ADAMTS9: variants seen among roughly 807,000 people sequenced by gnomAD.
ADAMTS9 encodes ADAM metallopeptidase with thrombospondin type 1 motif 9.
In ADAMTS9, 107 loss-of-function variants were observed where a neutral mutation model predicts 257.1. The ratio of observed to expected loss-of-function variants is 0.42; its 90% CI spans 0.36 to 0.49. ADAMTS9 has a LOEUF of 0.49. ADAMTS9 is among the 20% of genes least tolerant of loss of function. The pLI, the probability that ADAMTS9 is intolerant of heterozygous loss-of-function variation, is 0.03. For missense variants in ADAMTS9, 2,353 were observed against 2,469.1 expected (o/e 0.95, Z 1.00); for synonymous variants, 982 against 880.9 (o/e 1.11, Z -2.03).
rs374207795 is a variant in ADAMTS9, at chr3:64,601,933, G to T, written c.4017+11C>A. On this transcript the variant is annotated intron_variant, in intron 26 of 39. Transcript: ENST00000498707. ...TGAAAGAGAAGCAAGCAAACTTCAG[G>T]GAATACTCACTGCTCCCCAGGGGCC... 39 of 1,583,568 alleles carry T rather than the reference G, an allele frequency of 2.5e-5. 1 individual carries two copies. The African/African-American group carries it at 4.0e-4, about 16-fold the overall frequency.
rs775745026 is a variant in ADAMTS9, at chr3:64,622,456, G to A, written c.2520C>T (p.Asn840=). 6.8e-5 allele frequency: 109 copies of A among 1,613,936 alleles called. No individual in the cohort carries two copies. The highest frequency in any genetic ancestry group is 8.8e-5 in the Non-Finnish European group (104 of 1,179,986). ...SGSETAVERI[N]STDRIEQELL... is the part of the protein sequence containing the mutation. Reference sequence around the variant, plus strand: ...GTTCTTGCTCAATGCGATCTGTTGAGTTAATTCTTTCTACGGCAGTCTCGG... The same window carrying A: ...GTTCTTGCTCAATGCGATCTGTTGAATTAATTCTTTCTACGGCAGTCTCGG... Residue 840 remains asparagine (N), a synonymous_variant, in exon 17 of 40, where the codon AAC becomes AAT. Coordinates refer to ENST00000498707, the MANE Select transcript of ADAMTS9 (RefSeq NM_182920.2).
intron 39 of ADAMTS9, among the ~76,000 whole-genome samples, chr3:64,519,476 C>T (rs1422259478): frequency 6.6e-6 from 1 of 152,110 alleles, no homozygotes; most frequent in Non-Finnish European, 1.5e-5. Flanking sequence ...GATACCAATA[C>T]CTGGCAAAAA....
At chr3:64,603,696 G>A (rs1266703886) in intron 25 of ADAMTS9, among the ~76,000 whole-genome samples, 4 of 152,260 alleles carry the variant, frequency 2.6e-5, no homozygotes, top group South Asian at 4.1e-4. Context: ...ACTGTAAACC[G>A]ATTTATCCAT....
chr3:64,524,204 C>T (rs2082883232), intron 38 of ADAMTS9, among the ~76,000 whole-genome samples: 1 of 152,122 alleles, frequency 6.6e-6, no homozygotes, highest in Non-Finnish European at 1.5e-5. Context: ...GATATAAATG[C>T]AAAGGAAATC....
Position 64,686,989 on chromosome 3 carries a change from A to G in ADAMTS9, c.116-21T>C. 1 of 1,589,258 alleles carries G rather than the reference A, an allele frequency of 6.3e-7. No individual in the cohort carries two copies. Among genetic ancestry groups the G allele is most frequent in the Non-Finnish European group, 8.6e-7 (1 of 1,168,312 alleles). ...TTTCACTGCGGAGAGAAGCAGAGGT[A>G]TATGAACCAATAATTCATTTTTCCT... On this transcript the variant is annotated intron_variant, in intron 1 of 39. Transcript: ENST00000498707. The surrounding 1 kb of genome is among the most constrained non-coding windows in gnomAD (Gnocchi z 4.6).
intron 22 of ADAMTS9, among the ~76,000 whole-genome samples, chr3:64,611,703 T>TG (rs1050170974): frequency 5.3e-4 from 81 of 152,308 alleles, no homozygotes; most frequent in African/African-American, 1.9e-3. Context: ...CCAATGCTGC[T>TG]GCTGATCTGA....
chr3:64,645,840 T>A (rs1262810640), intron 11 of ADAMTS9, among the ~76,000 whole-genome samples: 1 of 152,196 alleles, frequency 6.6e-6, no homozygotes, highest in Non-Finnish European at 1.5e-5. Context: ...AGGAGCAGGG[T>A]CTGCTGAAAG....
chr3:64,605,828 CTTAT>C (rs564160465), intron 23 of ADAMTS9, among the ~76,000 whole-genome samples: 45 of 152,174 alleles, frequency 3.0e-4, no homozygotes, highest in African/African-American at 8.2e-4. Flanking sequence ...TACATATATG[CTTAT>C]TTATTATAAA....
At chr3:64,630,701 G>A (rs1700347336) in intron 16 of ADAMTS9, among the ~76,000 whole-genome samples, 2 of 152,126 alleles carry the variant, frequency 1.3e-5, no homozygotes, top group Non-Finnish European at 2.9e-5. Flanking sequence ...GGGGTTGACA[G>A]GTACAGCAAA....
rs903771433 is a variant in ADAMTS9 at position 64,687,500 on chromosome 3, G to A, written c.115+43C>T. 2.8e-6 allele frequency: 4 copies of A among 1,454,246 alleles called. No homozygotes were observed. The allele number at this position is 1,454,246 out of a possible 1,614,324, so 90.1% of individuals were successfully genotyped here. ...TGCCCAGGAGCGAGGACCGGGAGGCGGCGTCGGGGCCGGCGGGGTCCCGGG... is the reference window on the plus strand; with the variant it reads ...TGCCCAGGAGCGAGGACCGGGAGGCAGCGTCGGGGCCGGCGGGGTCCCGGG... On this transcript the variant is annotated intron_variant, in intron 1 of 39. Coordinates refer to ENST00000498707, the MANE Select transcript of ADAMTS9 (RefSeq NM_182920.2). This position sits in a 1 kb window ranked among gnomAD's most constrained non-coding sequence, Gnocchi z 4.4.
rs141772103 is a variant in ADAMTS9, at chr3:64,668,570, T to C, written c.680-9779A>G. ...CTCATCTGTGAAAAGGGAATAATGA[T>C]AGTTCATGCCTAATAGGGCAGTAGG... On this transcript the variant is annotated intron_variant, in intron 3 of 39. Transcript: ENST00000498707. Among the ~76,000 whole-genome samples, 8 of 152,282 alleles carry C rather than the reference T, an allele frequency of 5.3e-5. No homozygotes were observed. In the East Asian group the frequency reaches 1.4e-3, roughly 26 times the overall value.
rs542359724 is a variant in ADAMTS9, at chr3:64,621,829, A to G, written c.2686+369T>C. Among the ~76,000 whole-genome samples the G allele has an allele frequency of 2.4e-3, 361 of 152,038 alleles. 1 individual carries two copies. The highest frequency in any genetic ancestry group is 3.4e-3 in the Non-Finnish European group (229 of 67,964). On this transcript the variant is annotated intron_variant, in intron 18 of 39. Transcript: ENST00000498707. ...GAAAAAGAAAAAAAAGGTAGGCGGT[A>G]GGCTGGATTTGGCCTGCTGGCTGTG... is the stretch of plus-strand genomic sequence containing the variant.
At chr3:64,594,509 C>G in intron 27 of ADAMTS9, 75 bp from the exon 28 acceptor site, 2 of 1,552,368 alleles carry the variant, frequency 1.3e-6, no homozygotes, top group Non-Finnish European at 1.8e-6. Flanking sequence ...TCCCTAATTT[C>G]TTAGCCAAAC....
At chr3:64,643,651 G>A (rs939821040) in intron 11 of ADAMTS9, among the ~76,000 whole-genome samples, 3 of 151,530 alleles carry the variant, frequency 2.0e-5, no homozygotes, top group Non-Finnish European at 4.4e-5. Flanking sequence ...ACAGTTAGGG[G>A]TGGGGGTCTT....
chr3:64,687,412 G>T lies in ADAMTS9; in HGVS notation c.115+131C>A. 1.3e-6 allele frequency: 1 copy of T among 787,580 alleles called. No homozygotes were observed. The highest frequency in any genetic ancestry group is 1.9e-6 in the Non-Finnish European group (1 of 517,560). The allele number at this position is 787,580 out of a possible 1,614,324, so 48.8% of individuals were successfully genotyped here. On this transcript the variant is annotated intron_variant, in intron 1 of 39. Coordinates refer to ENST00000498707, the MANE Select transcript of ADAMTS9 (RefSeq NM_182920.2). The surrounding 1 kb of genome is among the most constrained non-coding windows in gnomAD (Gnocchi z 4.4). ...TGGGGATGACCCAAAGAAGGGAGAG[G>T]CTGCAAAGCGGGAGATAATTCTTTC...
At chr3:64,632,761 T>C (rs972498358) in intron 14 of ADAMTS9, among the ~76,000 whole-genome samples, 1 of 151,548 alleles carries the variant, frequency 6.6e-6, no homozygotes. Context: ...CAGTGGGTGA[T>C]GCCCTTAGGG....
intron 3 of ADAMTS9, among the ~76,000 whole-genome samples, chr3:64,668,544 C>T (rs1414248866): frequency 1.3e-5 from 2 of 152,208 alleles, no homozygotes; most frequent in African/African-American, 4.8e-5. Context: ...GCCTCAGTTT[C>T]CTCATCTGTG....
At chr3:64,609,747 C>T (rs1422479475) in intron 22 of ADAMTS9, among the ~76,000 whole-genome samples, 1 of 152,108 alleles carries the variant, frequency 6.6e-6, no homozygotes, top group East Asian at 1.9e-4. Flanking sequence ...AATCAAAATC[C>T]TAATAGCATT....
chr3:64,541,636 C>T lies in ADAMTS9; in HGVS notation c.5198-16G>A, dbSNP rs372558553. ...GGTAACTCACCTAGAAAACACCAAT[C>T]ACAAAAAATAGGGTGTGATGATCCG... On this transcript the variant is annotated splice_polypyrimidine_tract_variant and intron_variant, in intron 33 of 39. Coordinates refer to ENST00000498707, the MANE Select transcript of ADAMTS9 (RefSeq NM_182920.2). 4.3e-5 allele frequency: 69 copies of T among 1,602,830 alleles called. No homozygotes were observed. The African/African-American group carries it at 8.7e-4, about 20-fold the overall frequency.
Sources: gnomAD v4.1 joint callset for allele counts (sites outside exome capture counted in the v4.1 genomes callset) on GRCh38, gnomAD v4.1.1 for gene constraint, Gnocchi (gnomAD v3.1) non-coding constraint, MANE v1.5 for transcripts, NCBI Gene and HGNC (gene_info 2026-07-23, HGNC 2026-07-21) for gene names.